Variants in HECW2 observed in about 807,000 individuals in gnomAD.
The protein encoded by HECW2 is E3 ubiquitin-protein ligase HECW2.
A neutral mutation model predicts 175.2 loss-of-function variants in HECW2; 61 were observed. That is an observed-to-expected ratio of 0.35 (90% CI 0.28 to 0.43). The LOEUF (loss-of-function observed/expected upper bound fraction) is 0.43, where lower values mean the gene tolerates loss of function less well. HECW2 is among the 20% of genes least tolerant of loss of function. The pLI, the probability that HECW2 is intolerant of heterozygous loss-of-function variation, is 1.00. For synonymous variants in HECW2, 671 were observed against 731.0 expected (o/e 0.92, Z 1.32); for missense variants, 1,524 against 2,000.5 (o/e 0.76, Z 4.54).
intron 1 of HECW2, among the ~76,000 whole-genome samples, chr2:196,531,743 T>C (rs1235616610): frequency 1.3e-5 from 2 of 152,092 alleles, no homozygotes; most frequent in Non-Finnish European, 2.9e-5. Context: ...CTGTTACCTA[T>C]GCTCAGAATA....
At chr2:196,495,274 G>A (rs1033213297) in intron 1 of HECW2, among the ~76,000 whole-genome samples, 3 of 151,716 alleles carry the variant, frequency 2.0e-5, no homozygotes, top group East Asian at 3.9e-4. Flanking sequence ...CACCATGTTC[G>A]CCAGGCTGGT....
At position 196,343,814 on chromosome 2, in the gene HECW2, C is replaced by T. The variant is rs377647905; in HGVS notation, c.293-50G>A. On this transcript the variant is annotated intron_variant, in intron 2 of 28. Transcript: ENST00000644978. ...TCAGATTAATTATAACCTTTCTCTC[C>T]GTAGCAGGAAGATTAACATAAGTTC... The T allele has an allele frequency of 3.3e-5, 36 of 1,102,894 alleles. No homozygotes were observed. The African/African-American group carries it at 4.4e-4, about 13-fold the overall frequency. 68.3% of individuals were successfully genotyped at this position (1,102,894 alleles called of 1,614,324 possible). A position where few individuals can be genotyped will look rare whatever the true frequency, so the allele number is the denominator to read the frequency against.
Position 196,433,199 on chromosome 2 carries a change from G to A in HECW2, c.225C>T (p.Asn75=), listed in dbSNP as rs1370821206. ...MYEYTLGQAQ[N]LIIFWDIKEE... is the part of the protein sequence containing the mutation. ...CTTTAATGTCCCAGAAGATAATGAG[G>A]TTCTGGGCTTGCCCCAGCGTGTACT... Residue 75 remains asparagine, a synonymous_variant, in exon 2 of 29, where the codon AAC becomes AAT. Coordinates refer to ENST00000644978, the MANE Select transcript of HECW2 (RefSeq NM_001348768.2). The A allele has an allele frequency of 1.2e-6, 2 of 1,614,154 alleles. No homozygotes were observed. Among genetic ancestry groups the A allele is most frequent in the Non-Finnish European group, 8.5e-7 (1 of 1,179,988 alleles).
Position 196,520,158 on chromosome 2 carries a change from G to C in HECW2, c.-36+73350C>G, listed in dbSNP as rs567226673. ...GTACCAACGTTGAATTCTTACTTTT[G>C]ATAAATATACCATGATAATGCAGAA... On this transcript the variant is annotated intron_variant, in intron 1 of 28. Transcript: ENST00000644978. Among the ~76,000 whole-genome samples, 10 of 151,892 alleles carry C rather than the reference G, an allele frequency of 6.6e-5. No individual in the cohort carries two copies. In the East Asian group the frequency reaches 1.9e-3, roughly 29 times the overall value.
At chr2:196,474,904 T>C (rs1041959957) in intron 1 of HECW2, among the ~76,000 whole-genome samples, 1 of 152,326 alleles carries the variant, frequency 6.6e-6, no homozygotes, top group South Asian at 2.1e-4. Flanking sequence ...TATTAGAATA[T>C]GTTCAATAGC....
At chr2:196,563,873 C>T (rs1690091702) in intron 1 of HECW2, among the ~76,000 whole-genome samples, 1 of 152,154 alleles carries the variant, frequency 6.6e-6, no homozygotes, top group Non-Finnish European at 1.5e-5. Context: ...GCAATCTTCA[C>T]TGTAATTAAT....
chr2:196,299,818 A>G (rs1460296523), intron 13 of HECW2, among the ~76,000 whole-genome samples: 1 of 151,812 alleles, frequency 6.6e-6, no homozygotes, highest in Non-Finnish European at 1.5e-5. Flanking sequence ...GGTCCCAGCT[A>G]CCCGGGAGGC....
chr2:196,552,065 A>G (rs1371258244), intron 1 of HECW2, among the ~76,000 whole-genome samples: 1 of 152,222 alleles, frequency 6.6e-6, no homozygotes, highest in Non-Finnish European at 1.5e-5. Context: ...AGACAGCGCC[A>G]CAGGACTAGG....
At chr2:196,225,540 G>C (rs540935771) in intron 23 of HECW2, among the ~76,000 whole-genome samples, 2 of 152,170 alleles carry the variant, frequency 1.3e-5, no homozygotes, top group African/African-American at 4.8e-5. Context: ...ATAAATTTTG[G>C]GGGGTAGAGC....
chr2:196,564,006 A>C (rs1164795415), intron 1 of HECW2, among the ~76,000 whole-genome samples: 1 of 152,212 alleles, frequency 6.6e-6, no homozygotes, highest in East Asian at 1.9e-4. Flanking sequence ...AAAAGGACAC[A>C]GGTACTTGTA....
intron 2 of HECW2, among the ~76,000 whole-genome samples, chr2:196,419,983 T>C (rs1419286374): frequency 6.6e-6 from 1 of 152,234 alleles, no homozygotes; most frequent in Admixed American, 6.5e-5. Context: ...AATGATTTTA[T>C]GAACTACAGT....
intron 2 of HECW2, among the ~76,000 whole-genome samples, chr2:196,369,603 T>C (rs985462086): frequency 6.6e-6 from 1 of 152,066 alleles, no homozygotes; most frequent in Non-Finnish European, 1.5e-5. Context: ...TGTCTTTCCC[T>C]TCAGGGCAGC....
At chr2:196,469,140 TGTGTGTGTGTAAATAA>T (rs1372911988) in intron 1 of HECW2, among the ~76,000 whole-genome samples, 1 of 151,270 alleles carries the variant, frequency 6.6e-6, no homozygotes, top group African/African-American at 2.4e-5. Context: ...TGTGTGTGTG[TGTGTGTGTGTAAATAA>T]GTGAAACTAG....
At chr2:196,537,431 G>A (rs1305731558) in intron 1 of HECW2, among the ~76,000 whole-genome samples, 1 of 152,148 alleles carries the variant, frequency 6.6e-6, no homozygotes, top group Non-Finnish European at 1.5e-5. Context: ...TGAAGCTGGA[G>A]ATCAGGAGGC....
chr2:196,582,179 G>C (rs1358477870), intron 1 of HECW2, among the ~76,000 whole-genome samples: 1 of 152,040 alleles, frequency 6.6e-6, no homozygotes, highest in Non-Finnish European at 1.5e-5. Context: ...TTCTTCACCT[G>C]GTTTTCACTC....
chr2:196,533,179 G>T (rs909566376), intron 1 of HECW2, among the ~76,000 whole-genome samples: 1 of 151,740 alleles, frequency 6.6e-6, no homozygotes, highest in Non-Finnish European at 1.5e-5. Flanking sequence ...ACCAGGAATT[G>T]GACAGCTGAT....
At chr2:196,300,057 C>T (rs573094243) in intron 13 of HECW2, among the ~76,000 whole-genome samples, 84 of 152,282 alleles carry the variant, frequency 5.5e-4, no homozygotes, top group African/African-American at 1.8e-3. Flanking sequence ...AGTTAGAACT[C>T]TGTGCTTCAT....
chr2:196,275,554 C>T (rs966975362), intron 15 of HECW2, among the ~76,000 whole-genome samples: 16 of 152,056 alleles, frequency 1.1e-4, no homozygotes, highest in African/African-American at 1.9e-4. Flanking sequence ...CAGATCGAGA[C>T]CATCCTGGCC....
intron 1 of HECW2, among the ~76,000 whole-genome samples, chr2:196,522,152 C>T (rs112371721): frequency 3.7e-3 from 562 of 152,122 alleles, no homozygotes; most frequent in Non-Finnish European, 6.6e-3. Flanking sequence ...CTGTTGTTTC[C>T]TGACTTTTTA....
Sources: allele counts gnomAD v4.1 joint callset (sites outside exome capture counted in the v4.1 genomes callset), GRCh38; gene constraint gnomAD v4.1.1; transcripts MANE v1.5; gene names NCBI Gene and HGNC (gene_info 2026-07-23, HGNC 2026-07-21).